UBAC2: variants seen among roughly 807,000 people sequenced by gnomAD.
UBAC2 encodes ubiquitin-associated domain-containing protein 2.
A neutral mutation model predicts 44.0 loss-of-function variants in UBAC2; 26 were observed. The observed-to-expected ratio is 0.59, with a 90% CI of 0.43 to 0.82. UBAC2 has a LOEUF of 0.82. Ranked by LOEUF, UBAC2 falls within the 40% of genes least tolerant of loss-of-function variation. UBAC2 has a pLI of 0.00. For synonymous variants in UBAC2, 155 were observed against 154.3 expected (o/e 1.00, Z -0.04); for missense variants, 329 against 419.4 (o/e 0.78, Z 1.88).
chr13:99,383,137 G>A (rs1736158774), intron 8 of UBAC2, among the ~76,000 whole-genome samples: 1 of 152,250 alleles, frequency 6.6e-6, no homozygotes, highest in Non-Finnish European at 1.5e-5. Flanking sequence ...TGCATATGAT[G>A]CATTAGTAGT....
chr13:99,226,729 T>G (rs1480223709), intron 1 of UBAC2, among the ~76,000 whole-genome samples: 1 of 152,194 alleles, frequency 6.6e-6, no homozygotes, highest in Non-Finnish European at 1.5e-5. Flanking sequence ...CTTTTGCCAG[T>G]TGGCAGCCTT....
intron 7 of UBAC2, among the ~76,000 whole-genome samples, chr13:99,351,216 G>A (rs1047778150): frequency 2.6e-5 from 4 of 152,112 alleles, no homozygotes; most frequent in Admixed American, 6.5e-5. Context: ...TCATAGTATT[G>A]GGCATCTGTT....
chr13:99,278,765 A>G (rs1208919969), intron 4 of UBAC2, among the ~76,000 whole-genome samples: 1 of 152,194 alleles, frequency 6.6e-6, no homozygotes, highest in East Asian at 1.9e-4. Context: ...ATAGGGTTAT[A>G]TCTGTTTTAC....
At chr13:99,214,233 T>G (rs1414428549) in intron 1 of UBAC2, among the ~76,000 whole-genome samples, 1 of 151,874 alleles carries the variant, frequency 6.6e-6, no homozygotes, top group African/African-American at 2.4e-5. Context: ...GTTTTTTTTT[T>G]TTTTTTTCCT....
At chr13:99,249,375 TC>T (rs776660722) in intron 4 of UBAC2, among the ~76,000 whole-genome samples, 5 of 152,208 alleles carry the variant, frequency 3.3e-5, no homozygotes, top group African/African-American at 4.8e-5. Flanking sequence ...ATGATTTCAT[TC>T]TTTTTTATGG....
intron 7 of UBAC2, among the ~76,000 whole-genome samples, chr13:99,361,230 G>T (rs972324655): frequency 6.6e-6 from 1 of 152,150 alleles, no homozygotes; most frequent in Non-Finnish European, 1.5e-5. Flanking sequence ...TAAAACGCCT[G>T]TTCAAACTGC....
chr13:99,210,589 TG>T (rs1215729301), intron 1 of UBAC2, among the ~76,000 whole-genome samples: 1 of 151,830 alleles, frequency 6.6e-6, no homozygotes, highest in African/African-American at 2.4e-5. Flanking sequence ...GTGATTCTTC[TG>T]CCTCAGCCTC....
intron 8 of UBAC2, among the ~76,000 whole-genome samples, chr13:99,379,705 C>T (rs919325346): frequency 6.6e-6 from 1 of 152,224 alleles, no homozygotes; most frequent in Non-Finnish European, 1.5e-5. Flanking sequence ...GTTTATCCTT[C>T]TGTTTCTTCA....
intron 4 of UBAC2, among the ~76,000 whole-genome samples, chr13:99,284,245 G>T (rs1308954251): frequency 2.0e-5 from 3 of 152,200 alleles, no homozygotes; most frequent in African/African-American, 7.2e-5. Context: ...AGTTCCAATT[G>T]GGGGGAAGTG....
At chr13:99,224,798 A>G (rs1043690749) in intron 1 of UBAC2, among the ~76,000 whole-genome samples, 3 of 152,232 alleles carry the variant, frequency 2.0e-5, no homozygotes, top group African/African-American at 7.2e-5. Flanking sequence ...TTAAATGTGC[A>G]TTGTTATTCC....
At chr13:99,214,604 T>C (rs938013845) in intron 1 of UBAC2, among the ~76,000 whole-genome samples, 1 of 152,114 alleles carries the variant, frequency 6.6e-6, no homozygotes, top group African/African-American at 2.4e-5. Context: ...GCCTTTCTTA[T>C]TACCCTCCTT....
intron 6 of UBAC2, among the ~76,000 whole-genome samples, chr13:99,339,018 C>T (rs573976116): frequency 3.3e-5 from 5 of 152,182 alleles, no homozygotes; most frequent in African/African-American, 1.2e-4. Flanking sequence ...CTCCTCCTCC[C>T]CCCCATTTTA....
intron 6 of UBAC2, among the ~76,000 whole-genome samples, chr13:99,332,562 C>T (rs538303282): frequency 6.6e-6 from 1 of 152,292 alleles, no homozygotes; most frequent in Non-Finnish European, 1.5e-5. Flanking sequence ...TTGGCCTAGA[C>T]TCTCAGCTGG....
At chr13:99,347,747 G>A (rs1387742196) in intron 7 of UBAC2, among the ~76,000 whole-genome samples, 1 of 150,674 alleles carries the variant, frequency 6.6e-6, no homozygotes, top group African/African-American at 2.4e-5. Context: ...GCACAGGCAT[G>A]TGATAACGTC....
rs114717608 is a variant in UBAC2 at position 99,370,042 on chromosome 13, A to T, written c.927+2136A>T. Among the ~76,000 whole-genome samples, 970 of 152,320 alleles carry T rather than the reference A, an allele frequency of 6.4e-3. 6 individuals are homozygous for T. Among genetic ancestry groups the T allele is most frequent in the African/African-American group, 0.023 (941 of 41,576 alleles). On this transcript the variant is annotated intron_variant, in intron 8 of 8. Coordinates refer to ENST00000403766, the MANE Select transcript of UBAC2 (RefSeq NM_001144072.2). Reference sequence around the variant, plus strand: ...TTTTGTACTGGAGAAAAAATGTCTGATGAAAGGCCATTTTAGGATCAATTG... The same window carrying T: ...TTTTGTACTGGAGAAAAAATGTCTGTTGAAAGGCCATTTTAGGATCAATTG...
intron 4 of UBAC2, among the ~76,000 whole-genome samples, chr13:99,257,935 TA>T (rs1417453514): frequency 2.0e-5 from 3 of 152,230 alleles, no homozygotes; most frequent in South Asian, 2.1e-4. Flanking sequence ...TTGTTATGTT[TA>T]TTTTTTTAAT....
chr13:99,356,314 C>CGT, intron 7 of UBAC2: 1 of 437,624 alleles, frequency 2.3e-6, no homozygotes, highest in Non-Finnish European at 5.1e-6. Flanking sequence ...ACAGGCAAGG[C>CGT]GTGTGGCCTT....
chr13:99,316,963 T>C (rs980900966), intron 5 of UBAC2, among the ~76,000 whole-genome samples: 1 of 152,232 alleles, frequency 6.6e-6, no homozygotes, highest in Non-Finnish European at 1.5e-5. Context: ...GCAAAATATT[T>C]GTCTACATGG....
chr13:99,203,023 TTTTATTTATTTA>T (rs58103279), intron 1 of UBAC2, among the ~76,000 whole-genome samples: 6 of 146,422 alleles, frequency 4.1e-5, no homozygotes, highest in Admixed American at 1.4e-4. Context: ...CTTTGTTTTA[TTTTATTTATTTA>T]TTTATTTATT....
Sources: allele counts gnomAD v4.1 joint callset (sites outside exome capture counted in the v4.1 genomes callset), GRCh38; gene constraint gnomAD v4.1.1; transcripts MANE v1.5; gene names NCBI Gene and HGNC (gene_info 2026-07-23, HGNC 2026-07-21).